Variants in ZBTB16 observed in about 807,000 individuals in gnomAD.
ZBTB16 encodes the protein zinc finger and BTB domain-containing protein 16.
In ZBTB16, 8 loss-of-function variants were observed where a neutral mutation model predicts 56.8. The ratio of observed to expected loss-of-function variants is 0.14; its 90% CI spans 0.08 to 0.25. The LOEUF (loss-of-function observed/expected upper bound fraction) is 0.25. Among genes scored for constraint, ZBTB16 ranks in the 10% least tolerant of loss-of-function variants. ZBTB16 has a pLI of 1.00. For missense variants in ZBTB16, 625 were observed against 903.0 expected (o/e 0.69, Z 3.95); for synonymous variants, 363 against 368.5 (o/e 0.98, Z 0.17).
chr11:114,242,216 G>A lies in ZBTB16; in HGVS notation c.1503G>A (p.Ala501=), dbSNP rs145667225. 1.3e-5 allele frequency: 21 copies of A among 1,613,868 alleles called. No homozygotes were observed. Among genetic ancestry groups the A allele is most frequent in the Middle Eastern group, 1.7e-4 (1 of 6,056 alleles). The stretch of plus-strand genomic sequence containing the variant: ...TGCTGTGTGGGAAGCGCTTCCAGGC[G>A]CAGAGCGCACTGCAGCAGCACATGG... ...FCLLCGKRFQ[A]QSALQQHMEV... is the part of the protein sequence containing the mutation. The change falls in exon 5 of 7, where the codon GCG becomes GCA. Residue 501 remains alanine (A), a synonymous_variant. Coordinates refer to ENST00000335953, the MANE Select transcript of ZBTB16 (RefSeq NM_006006.6).
rs936106702 is a variant in ZBTB16, at chr11:114,247,384, G to A, written c.1792+19G>A. The A allele has an allele frequency of 6.2e-7, 1 of 1,614,034 alleles. No individual in the cohort carries two copies. Among genetic ancestry groups the A allele is most frequent in the Admixed American group, 1.7e-5 (1 of 60,032 alleles). On this transcript the variant is annotated intron_variant, in intron 6 of 6. Transcript: ENST00000335953. ...CACACAGGTACCGAAGGCCAGGGAG[G>A]GGCCTGAGCTGGCTCTGGGACCTGG...
intron 2 of ZBTB16, among the ~76,000 whole-genome samples, chr11:114,146,848 CAAA>C (rs3057711): frequency 6.8e-4 from 81 of 118,894 alleles, no homozygotes; most frequent in Middle Eastern, 4.2e-3. Flanking sequence ...GATTCTGTCT[CAAA>C]AAAAAAAAAA....
At chr11:114,132,712 C>T (rs139030056) in intron 2 of ZBTB16, among the ~76,000 whole-genome samples, 29 of 152,288 alleles carry the variant, frequency 1.9e-4, no homozygotes, top group Admixed American at 4.6e-4. Flanking sequence ...GAGTCCATCT[C>T]GAGCATTGTT....
At chr11:114,170,336 GAGGACGGTCTC>G (rs765715098) in intron 3 of ZBTB16, among the ~76,000 whole-genome samples, 36 of 152,244 alleles carry the variant, frequency 2.4e-4, no homozygotes, top group Non-Finnish European at 3.7e-4. Context: ...GGAAGCATCC[GAGGACGGTCTC>G]AGGACGTGCC....
intron 2 of ZBTB16, among the ~76,000 whole-genome samples, chr11:114,091,435 G>A (rs1627851): frequency 0.85 from 128,285 of 151,372 alleles, 56,681 homozygotes; most frequent in Non-Finnish European, 0.98. Flanking sequence ...CTCAACTCCT[G>A]GCCTGTGGAT....
intron 4 of ZBTB16, among the ~76,000 whole-genome samples, chr11:114,240,573 C>T (rs550509831): frequency 6.6e-6 from 1 of 152,116 alleles, no homozygotes; most frequent in South Asian, 2.1e-4. Flanking sequence ...TGCCCAGGCA[C>T]CAGCACAGAG....
At chr11:114,169,006 G>T (rs1466073210) in intron 3 of ZBTB16, among the ~76,000 whole-genome samples, 1 of 152,168 alleles carries the variant, frequency 6.6e-6, no homozygotes, top group Non-Finnish European at 1.5e-5. Flanking sequence ...GAGGGTCTGT[G>T]GGTTAGTGTG....
At chr11:114,109,893 G>A (rs1940940679) in intron 2 of ZBTB16, among the ~76,000 whole-genome samples, 2 of 152,334 alleles carry the variant, frequency 1.3e-5, no homozygotes, top group South Asian at 4.1e-4. Flanking sequence ...CAGCTGGGCA[G>A]AGCAGCAAGG....
At chr11:114,074,348 A>G (rs978648454) in intron 2 of ZBTB16, among the ~76,000 whole-genome samples, 1 of 152,222 alleles carries the variant, frequency 6.6e-6, no homozygotes, top group Non-Finnish European at 1.5e-5. Flanking sequence ...AGCGTGATCC[A>G]TCGGGCCCAC....
intron 2 of ZBTB16, among the ~76,000 whole-genome samples, chr11:114,152,403 C>A (rs966298908): frequency 1.3e-5 from 2 of 152,214 alleles, no homozygotes; most frequent in Admixed American, 1.3e-4. Context: ...GAATTCTTCT[C>A]TTCAGTTTCT....
chr11:114,204,433 C>A (rs1943806688), intron 4 of ZBTB16, among the ~76,000 whole-genome samples: 1 of 152,200 alleles, frequency 6.6e-6, no homozygotes, highest in African/African-American at 2.4e-5. Flanking sequence ...AGCCACCACA[C>A]CCGGTCTCAT....
At chr11:114,148,637 G>A (rs1411747151) in intron 2 of ZBTB16, among the ~76,000 whole-genome samples, 1 of 151,356 alleles carries the variant, frequency 6.6e-6, no homozygotes, top group Admixed American at 6.6e-5. Context: ...GGGACTACAG[G>A]CACCTGCCAC....
intron 2 of ZBTB16, among the ~76,000 whole-genome samples, chr11:114,129,342 G>A (rs935005783): frequency 2.6e-5 from 4 of 152,232 alleles, no homozygotes; most frequent in African/African-American, 9.6e-5. Flanking sequence ...ACCGGAGCCG[G>A]CAGAGAACCC....
chr11:114,124,046 A>C (rs1242238963), intron 2 of ZBTB16, among the ~76,000 whole-genome samples: 1 of 150,952 alleles, frequency 6.6e-6, no homozygotes, highest in East Asian at 2.0e-4. Flanking sequence ...CAGCAGATGT[A>C]TTCTGCTTTT....
At chr11:114,142,695 A>G (rs1941986176) in intron 2 of ZBTB16, among the ~76,000 whole-genome samples, 1 of 151,958 alleles carries the variant, frequency 6.6e-6, no homozygotes, top group African/African-American at 2.4e-5. Context: ...TCCAAAATCC[A>G]TGCATCTTGT....
intron 2 of ZBTB16, among the ~76,000 whole-genome samples, chr11:114,112,928 G>A (rs932405410): frequency 1.1e-4 from 16 of 151,700 alleles, no homozygotes; most frequent in African/African-American, 3.9e-4. Context: ...CCATACCTAG[G>A]TTTTTAAATT....
Position 114,227,393 on chromosome 11 carries a change from C to G in ZBTB16, c.1454-14774C>G, listed in dbSNP as rs76671001. ...GAACAATAGGAGCTTCACAGGATCA[C>G]AAAGCCTATCCCCCCTCATGTTACA... On this transcript the variant is annotated intron_variant, in intron 4 of 6. Transcript: ENST00000335953. 3.5e-3 allele frequency among the ~76,000 whole-genome samples: 529 copies of G among 152,364 alleles called. 1 individual carries two copies. The highest frequency in any genetic ancestry group is 0.012 in the African/African-American group (512 of 41,578).
chr11:114,161,340 C>G (rs1385046309), intron 3 of ZBTB16, among the ~76,000 whole-genome samples: 2 of 152,150 alleles, frequency 1.3e-5, no homozygotes, highest in Non-Finnish European at 2.9e-5. Context: ...GAGTGTCATT[C>G]ATTTTTGGAG....
At chr11:114,148,229 C>T (rs1942159980) in intron 2 of ZBTB16, among the ~76,000 whole-genome samples, 1 of 151,892 alleles carries the variant, frequency 6.6e-6, no homozygotes, top group Non-Finnish European at 1.5e-5. Context: ...TGCCATTGTC[C>T]TTCCTCATAT....
Sources: gnomAD v4.1 joint callset for allele counts (sites outside exome capture counted in the v4.1 genomes callset) on GRCh38, gnomAD v4.1.1 for gene constraint, MANE v1.5 for transcripts, NCBI Gene and HGNC (gene_info 2026-07-23, HGNC 2026-07-21) for gene names.